The following PEAK1 variants were observed in gnomAD, a reference collection of about 807,000 sequenced individuals.
PEAK1 encodes the protein inactive tyrosine-protein kinase PEAK1.
PEAK1 carries 54 observed loss-of-function variants against 124.7 expected under a neutral mutation model. The ratio of observed to expected loss-of-function variants is 0.43; its 90% confidence interval spans 0.35 to 0.54. The LOEUF (loss-of-function observed/expected upper bound fraction) is 0.54, where lower values mean the gene tolerates loss of function less well. PEAK1 is among the 20% of genes least tolerant of loss of function. The pLI, the probability that PEAK1 is intolerant of heterozygous loss-of-function variation, is 0.01. For missense variants in PEAK1, 2,046 were observed against 2,134.5 expected (o/e 0.96, Z 0.82); for synonymous variants, 719 against 760.0 (o/e 0.95, Z 0.89).
chr15:77,399,658 T>C (rs935016142), intron 1 of PEAK1, among the ~76,000 whole-genome samples: 5 of 152,140 alleles, frequency 3.3e-5, no homozygotes, highest in African/African-American at 1.2e-4. Context: ...ACACAAAAAG[T>C]CAAATCAAAA....
At position 77,150,404 on chromosome 15, in the gene PEAK1, A is replaced by G. The variant is rs1271267753; in HGVS notation, c.3331+8099T>C. On this transcript the variant is annotated intron_variant, in intron 8 of 9. Transcript: ENST00000682557. Reference sequence around the variant, plus strand: ...CTCTTAGGATGGTTGTGAGGATTAAATGAGCTAATATATGTTAGGCACTTA... The same window carrying G: ...CTCTTAGGATGGTTGTGAGGATTAAGTGAGCTAATATATGTTAGGCACTTA... Among the ~76,000 whole-genome samples the G allele has an allele frequency of 3.9e-5, 6 of 152,312 alleles. No individual in the cohort carries two copies. In the East Asian group the frequency reaches 1.2e-3, roughly 29 times the overall value.
chr15:77,249,699 A>G (rs900913106), intron 6 of PEAK1, among the ~76,000 whole-genome samples: 24 of 152,074 alleles, frequency 1.6e-4, no homozygotes, highest in African/African-American at 5.6e-4. Context: ...TTCTTATCAA[A>G]TCTGTTTCTT....
At chr15:77,161,335 A>C (rs1351192465) in intron 7 of PEAK1, among the ~76,000 whole-genome samples, 1 of 152,232 alleles carries the variant, frequency 6.6e-6, no homozygotes, top group Non-Finnish European at 1.5e-5. Flanking sequence ...GAAATGTGCC[A>C]AATTACCTTT....
intron 2 of PEAK1, among the ~76,000 whole-genome samples, chr15:77,316,752 C>T (rs987573746): frequency 3.3e-5 from 5 of 152,024 alleles, no homozygotes; most frequent in Non-Finnish European, 5.9e-5. Context: ...TATATGTATA[C>T]CTATGGAAAA....
intron 1 of PEAK1, among the ~76,000 whole-genome samples, chr15:77,388,739 T>C (rs2070177083): frequency 6.6e-6 from 1 of 151,872 alleles, no homozygotes; most frequent in Admixed American, 6.6e-5. Context: ...CTGCTAATAT[T>C]CTCTTCATCC....
chr15:77,320,433 A>G (rs1172706579), intron 2 of PEAK1, among the ~76,000 whole-genome samples: 1 of 152,192 alleles, frequency 6.6e-6, no homozygotes, highest in Non-Finnish European at 1.5e-5. Flanking sequence ...ACATTGAGTA[A>G]TGACTACCAA....
intron 1 of PEAK1, chr15:77,417,433 G>C: frequency 3.1e-6 from 3 of 959,022 alleles, no homozygotes; most frequent in Non-Finnish European, 3.7e-6. Context: ...GGACTAGGAA[G>C]GAGAGTGGGG....
chr15:77,155,849 C>T lies in PEAK1; in HGVS notation c.3331+2654G>A, dbSNP rs1031512864. 11 of 153,496 alleles carry T rather than the reference C, an allele frequency of 7.2e-5. 1 individual carries two copies. The highest frequency in any genetic ancestry group is 2.4e-5 in the African/African-American group (1 of 41,592). The allele number at this position is 153,496 out of a possible 1,614,324, so 9.5% of individuals were successfully genotyped here. Reference sequence around the variant, plus strand: ...TGACCTGCAAATGCTGCTGCCTGATCGTTCCTCTGGAAGTTTTGTCTCAGA... The same window carrying T: ...TGACCTGCAAATGCTGCTGCCTGATTGTTCCTCTGGAAGTTTTGTCTCAGA... On this transcript the variant is annotated intron_variant, in intron 8 of 9. Transcript: ENST00000682557.
chr15:77,327,942 A>C (rs2065677212), intron 2 of PEAK1, among the ~76,000 whole-genome samples: 1 of 152,188 alleles, frequency 6.6e-6, no homozygotes, highest in Non-Finnish European at 1.5e-5. Flanking sequence ...CTGAAACGGC[A>C]ACAGTGCATG....
At chr15:77,401,242 T>C (rs1478240851) in intron 1 of PEAK1, among the ~76,000 whole-genome samples, 1 of 152,168 alleles carries the variant, frequency 6.6e-6, no homozygotes, top group African/African-American at 2.4e-5. Context: ...TGGTTCACAA[T>C]AATATCATCA....
At chr15:77,393,700 A>G (rs2070668881) in intron 1 of PEAK1, among the ~76,000 whole-genome samples, 1 of 152,144 alleles carries the variant, frequency 6.6e-6, no homozygotes, top group Non-Finnish European at 1.5e-5. Flanking sequence ...ATACATTCCC[A>G]GCTGTGGTAG....
chr15:77,106,983 A>G (rs1219563815), downstream of PEAK1: 2 of 152,152 alleles, frequency 1.3e-5, no homozygotes, highest in Non-Finnish European at 2.9e-5. Flanking sequence ...TTAATATTTA[A>G]TTTAATCACT....
intron 1 of PEAK1, among the ~76,000 whole-genome samples, chr15:77,415,981 C>G (rs1215916360): frequency 6.6e-6 from 1 of 152,158 alleles, no homozygotes; most frequent in East Asian, 1.9e-4. Flanking sequence ...AACATTGTAC[C>G]CCTCTCAATT....
At chr15:77,208,743 C>A (rs939593906) in intron 6 of PEAK1, among the ~76,000 whole-genome samples, 1 of 152,000 alleles carries the variant, frequency 6.6e-6, no homozygotes, top group African/African-American at 2.4e-5. Flanking sequence ...ACAGCTAAAG[C>A]CTAATGTGTG....
intron 2 of PEAK1, chr15:77,347,569 A>G (rs2066941660): frequency 1.0e-6 from 1 of 985,392 alleles, no homozygotes; most frequent in African/African-American, 1.7e-5. Flanking sequence ...ATGTTTCTGG[A>G]TGTATTTGTC....
At chr15:77,281,174 A>C (rs1021624371) in intron 5 of PEAK1, among the ~76,000 whole-genome samples, 1 of 152,168 alleles carries the variant, frequency 6.6e-6, no homozygotes, top group Non-Finnish European at 1.5e-5. Context: ...CTCAAAAAAA[A>C]AGTCTATTTC....
chr15:77,312,859 T>C (rs1398366905), intron 2 of PEAK1, among the ~76,000 whole-genome samples: 1 of 152,154 alleles, frequency 6.6e-6, no homozygotes, highest in Non-Finnish European at 1.5e-5. Flanking sequence ...CAACCCTAGC[T>C]GAAAGATGTC....
At chr15:77,196,144 T>C (rs2058092107) in intron 6 of PEAK1, among the ~76,000 whole-genome samples, 1 of 152,198 alleles carries the variant, frequency 6.6e-6, no homozygotes, top group Non-Finnish European at 1.5e-5. Context: ...GAAGGACAGA[T>C]CAAATGAGGC....
At chr15:77,278,065 G>A (rs1238334598) in intron 5 of PEAK1, among the ~76,000 whole-genome samples, 1 of 152,134 alleles carries the variant, frequency 6.6e-6, no homozygotes, top group Non-Finnish European at 1.5e-5. Context: ...TACCATTCTG[G>A]TGGGGATGTT....
Sources: gnomAD v4.1 joint callset for allele counts (sites outside exome capture counted in the v4.1 genomes callset) on GRCh38, gnomAD v4.1.1 for gene constraint, MANE v1.5 for transcripts, NCBI Gene and HGNC (gene_info 2026-07-23, HGNC 2026-07-21) for gene names.